The following ARHGEF12 variants were observed in gnomAD, a reference collection of about 807,000 sequenced individuals.
ARHGEF12 encodes the protein KMT2A/ARHGEF12 fusion protein.
A neutral mutation model predicts 211.2 loss-of-function variants in ARHGEF12; 66 were observed. The observed-to-expected ratio is 0.31, with a 90% CI of 0.26 to 0.38. ARHGEF12 has a LOEUF of 0.38. Ranked by LOEUF, ARHGEF12 falls within the 10% of genes least tolerant of loss-of-function variation. The pLI is 1.00. For missense variants in ARHGEF12, 1,429 were observed against 1,869.5 expected (o/e 0.76, Z 4.34); for synonymous variants, 592 against 638.4 (o/e 0.93, Z 1.09).
intron 1 of ARHGEF12, among the ~76,000 whole-genome samples, chr11:120,338,380 A>G (rs1942421370): frequency 6.6e-6 from 1 of 152,240 alleles, no homozygotes; most frequent in Admixed American, 6.5e-5. Flanking sequence ...TAAAAGGGCC[A>G]AATTCCATTA....
Position 120,469,280 on chromosome 11 carries a change from A to G in ARHGEF12, c.2855-8A>G, listed in dbSNP as rs201020612. ...CTTTTACATTTTGGATTTCTTTCCC[A>G]TATTTAGAATGGCCAACAGAAAGGG... On this transcript the variant is annotated splice_polypyrimidine_tract_variant and splice_region_variant and intron_variant, in intron 29 of 40. Coordinates refer to ENST00000397843, the MANE Select transcript of ARHGEF12 (RefSeq NM_015313.3). 6.1e-5 allele frequency: 97 copies of G among 1,602,196 alleles called. No individual in the cohort carries two copies. The highest frequency in any genetic ancestry group is 3.1e-4 in the East Asian group (14 of 44,798).
chr11:120,465,473 C>CTT, intron 28 of ARHGEF12, 111 bp downstream of exon 28: 195 of 1,126,124 alleles, frequency 1.7e-4, no homozygotes, highest in Middle Eastern at 2.4e-4. Context: ...TCTGTGTTAA[C>CTT]TTTTTTTTTT....
At chr11:120,427,996 T>C (rs935642736) in intron 7 of ARHGEF12, 73 bp from the exon 8 acceptor site, 66 of 1,314,156 alleles carry the variant, frequency 5.0e-5, no homozygotes, top group Non-Finnish European at 6.5e-5. Context: ...GATTAAGTAG[T>C]AAAATGGTAT....
chr11:120,365,819 A>C (rs1306222525), intron 1 of ARHGEF12: 1 of 152,250 alleles, frequency 6.6e-6, no homozygotes, highest in Non-Finnish European at 1.5e-5. Flanking sequence ...GCACCTCCCA[A>C]GTAGGGAAGG....
At chr11:120,450,677 T>G (rs1194895510) in intron 21 of ARHGEF12, 1 of 152,388 alleles carries the variant, frequency 6.6e-6, no homozygotes, top group Non-Finnish European at 1.5e-5. Flanking sequence ...GTCTTTGGCT[T>G]CTTGTGGTGA....
Position 120,468,219 on chromosome 11 carries a change from C to G in ARHGEF12, c.2854+911C>G, listed in dbSNP as rs546667855. On this transcript the variant is annotated intron_variant, in intron 29 of 40. Coordinates refer to ENST00000397843, the MANE Select transcript of ARHGEF12 (RefSeq NM_015313.3). ...ATTAATAATTTAATGCAACTGAAAT[C>G]TTGTTTCTTGTGCCTGAGAATTTGA... 3.9e-4 allele frequency among the ~76,000 whole-genome samples: 59 copies of G among 152,268 alleles called. No individual in the cohort carries two copies. The Middle Eastern group carries it at 0.017, about 44-fold the overall frequency.
intron 1 of ARHGEF12, among the ~76,000 whole-genome samples, chr11:120,399,342 AAAAAAAAAAG>A (rs1292854981): frequency 6.7e-6 from 1 of 148,290 alleles, no homozygotes; most frequent in Non-Finnish European, 1.5e-5. Flanking sequence ...AAAAAAAAAA[AAAAAAAAAAG>A]AAAAGAAAGA....
At position 120,339,212 on chromosome 11, in the gene ARHGEF12, T is replaced by G. The variant is rs1942455903; in HGVS notation, c.32+1937T>G. Among the ~76,000 whole-genome samples the G allele has an allele frequency of 2.0e-5, 3 of 151,808 alleles. No homozygotes were observed. In the South Asian group the frequency reaches 6.2e-4, roughly 31 times the overall value. ...ACTGCTGAGACCTGTTTCGTAGGAT[T>G]TTTTTTTACTAGGGTCTTTTTTTAT... is the stretch of plus-strand genomic sequence containing the variant. On this transcript the variant is annotated intron_variant, in intron 1 of 40. Transcript: ENST00000397843.
chr11:120,475,008 G>A (rs1946987645), intron 32 of ARHGEF12, among the ~76,000 whole-genome samples: 1 of 152,112 alleles, frequency 6.6e-6, no homozygotes, highest in Admixed American at 6.5e-5. Context: ...ACAGTGGCTA[G>A]TCACAGATGC....
chr11:120,469,465 AGTT>A, intron 30 of ARHGEF12, 77 bp downstream of exon 30: 1 of 1,228,914 alleles, frequency 8.1e-7, no homozygotes, highest in Non-Finnish European at 1.1e-6. Flanking sequence ...TCTGTGAAAT[AGTT>A]GTTAAAACTA....
rs1167818216 is a variant in ARHGEF12, at chr11:120,487,563, G to GT, written c.*2487dup. ...TTTCAGGATGATGGAATTAGATGCAGTCTGTCTTTGAGTGAGACTGGTCAC... is the reference window on the plus strand; with the variant it reads ...TTTCAGGATGATGGAATTAGATGCAGTTCTGTCTTTGAGTGAGACTGGTCAC... On this transcript the variant is annotated 3_prime_UTR_variant, in exon 41 of 41. Coordinates refer to ENST00000397843, the MANE Select transcript of ARHGEF12 (RefSeq NM_015313.3). 2.3e-5 allele frequency: 5 copies of GT among 213,660 alleles called. No individual in the cohort carries two copies. Among genetic ancestry groups the GT allele is most frequent in the African/African-American group, 1.1e-4 (5 of 44,244 alleles). The allele number at this position is 213,660 out of a possible 1,614,324, so 13.2% of individuals were successfully genotyped here.
At chr11:120,436,610 C>T (rs1452966901) in intron 11 of ARHGEF12, among the ~76,000 whole-genome samples, 1 of 152,162 alleles carries the variant, frequency 6.6e-6, no homozygotes, top group Non-Finnish European at 1.5e-5. Flanking sequence ...GATAGAAATG[C>T]ATCTGTACTG....
intron 1 of ARHGEF12, among the ~76,000 whole-genome samples, chr11:120,366,449 A>G (rs983650458): frequency 2.0e-5 from 3 of 152,020 alleles, no homozygotes; most frequent in Admixed American, 6.6e-5. Context: ...TGAGCCACCA[A>G]CCCTGCCCTT....
chr11:120,483,850 G>T (rs1472244537), intron 39 of ARHGEF12, among the ~76,000 whole-genome samples: 1 of 151,992 alleles, frequency 6.6e-6, no homozygotes, highest in Non-Finnish European at 1.5e-5. Flanking sequence ...TCCTGACCTC[G>T]TGATCCGCCT....
At chr11:120,467,438 T>C (rs1175647625) in intron 29 of ARHGEF12, 130 bp downstream of exon 29, 11 of 554,072 alleles carry the variant, frequency 2.0e-5, no homozygotes, top group Admixed American at 1.5e-4. Flanking sequence ...ATTTTCTTTT[T>C]TTTTTTTTTT....
chr11:120,433,607 T>C (rs1256846175), intron 11 of ARHGEF12, among the ~76,000 whole-genome samples: 1 of 152,202 alleles, frequency 6.6e-6, no homozygotes. Context: ...TTTTATCTTG[T>C]ATTTAGAGGA....
chr11:120,450,559 C>T (rs927417378), intron 21 of ARHGEF12: 1 of 151,856 alleles, frequency 6.6e-6, no homozygotes, highest in Non-Finnish European at 1.5e-5. Context: ...AGATGCTAAC[C>T]GTGAGTTCCA....
chr11:120,441,629 G>A, intron 13 of ARHGEF12, 78 bp from the exon 14 acceptor site: 1 of 1,130,242 alleles, frequency 8.8e-7, no homozygotes, highest in Non-Finnish European at 1.3e-6. Context: ...AATTTGGATA[G>A]CTATGTTCAA....
chr11:120,485,563 T>C lies in ARHGEF12; in HGVS notation c.*486T>C, dbSNP rs1413765078. 4.2e-6 allele frequency: 1 copy of C among 236,752 alleles called. No individual in the cohort carries two copies. Among genetic ancestry groups the C allele is most frequent in the Non-Finnish European group, 8.3e-6 (1 of 120,186 alleles). The allele number at this position is 236,752 out of a possible 1,614,324, so 14.7% of individuals were successfully genotyped here. On this transcript the variant is annotated 3_prime_UTR_variant, in exon 41 of 41. Transcript: ENST00000397843. The stretch of plus-strand genomic sequence containing the variant: ...CTGAAGCAAAGAGGTCAGGATGGAG[T>C]ATGCAGAAGTTGGGTAGAGAGGTTA...
Sources: gnomAD v4.1 joint callset for allele counts (sites outside exome capture counted in the v4.1 genomes callset) on GRCh38, gnomAD v4.1.1 for gene constraint, MANE v1.5 for transcripts, NCBI Gene and HGNC (gene_info 2026-07-23, HGNC 2026-07-21) for gene names.